The following TEC variants were observed in gnomAD, a reference collection of about 807,000 sequenced individuals.
The protein encoded by TEC is tyrosine-protein kinase Tec.
TEC carries 72 observed loss-of-function variants against 93.0 expected under a neutral mutation model. That is an observed-to-expected ratio of 0.77 (90% CI 0.64 to 0.94). The LOEUF (loss-of-function observed/expected upper bound fraction) is 0.94. Ranked by LOEUF, TEC falls within the 40% of genes least tolerant of loss-of-function variation. The pLI is 0.00. For missense variants in TEC, 630 were observed against 757.9 expected (o/e 0.83, Z 1.98); for synonymous variants, 249 against 247.7 (o/e 1.01, Z -0.05).
chr4:48,175,464 G>A (rs578068222), intron 3 of TEC, among the ~76,000 whole-genome samples: 34 of 152,298 alleles, frequency 2.2e-4, no homozygotes, highest in South Asian at 1.2e-3. Context: ...GAGGGGCTGA[G>A]AGCTCCAGAT....
rs1237293687 is a variant in TEC at position 48,141,361 on chromosome 4, A to T, written c.1529T>A (p.Met510Lys). Residue 510 changes from methionine (M) to lysine (K), a missense_variant, in exon 15 of 18, where the codon ATG (methionine) becomes AAG (lysine). Physicochemically the swap from Met to Lys is moderately conservative, Grantham distance 95. Coordinates refer to ENST00000381501, the MANE Select transcript of TEC (RefSeq NM_003215.3). ...CACGTATACTTGGACATACCTGGCC[A>T]TTCCAAAATCAGATACTTTTACAAC... ...AGVVKVSDFG[M>K]ARYVLDDQYT... 1 of 1,613,788 alleles carries T rather than the reference A, an allele frequency of 6.2e-7. No homozygotes were observed. The highest frequency in any genetic ancestry group is 1.1e-5 in the South Asian group (1 of 91,074).
intron 11 of TEC, among the ~76,000 whole-genome samples, chr4:48,147,665 G>A (rs1383207617): frequency 6.6e-6 from 1 of 152,076 alleles, no homozygotes; most frequent in Non-Finnish European, 1.5e-5. Flanking sequence ...GAGATAGAGG[G>A]GTTGATCCTG....
chr4:48,149,724 T>C (rs758961786), intron 10 of TEC, 34 bp from the exon 11 acceptor site: 12 of 1,573,656 alleles, frequency 7.6e-6, no homozygotes, highest in Non-Finnish European at 1.0e-5. Flanking sequence ...CAGAACCAAG[T>C]TGAAATAATA....
At chr4:48,230,754 A>G (rs1723623078) in intron 1 of TEC, among the ~76,000 whole-genome samples, 1 of 152,092 alleles carries the variant, frequency 6.6e-6, no homozygotes, top group African/African-American at 2.4e-5. Context: ...CCACACTCCA[A>G]TCAAAATAGT....
intron 11 of TEC, among the ~76,000 whole-genome samples, chr4:48,147,277 C>T (rs181811204): frequency 2.0e-5 from 3 of 152,210 alleles, no homozygotes; most frequent in African/African-American, 7.2e-5. Context: ...GGTAAATACC[C>T]AAAAGAAATG....
chr4:48,200,177 G>A (rs988325154), intron 2 of TEC, among the ~76,000 whole-genome samples: 2 of 152,012 alleles, frequency 1.3e-5, no homozygotes, highest in Non-Finnish European at 2.9e-5. Context: ...CCATTCAAGG[G>A]AGGGGATACA....
At chr4:48,143,742 G>A (rs1466797938) in intron 14 of TEC, among the ~76,000 whole-genome samples, 1 of 152,074 alleles carries the variant, frequency 6.6e-6, no homozygotes, top group South Asian at 2.1e-4. Context: ...CAAACTTCCT[G>A]GGTTCAAATC....
chr4:48,153,155 G>A (rs368237217), intron 9 of TEC, among the ~76,000 whole-genome samples: 4 of 151,084 alleles, frequency 2.6e-5, no homozygotes, highest in African/African-American at 2.4e-5. Flanking sequence ...ATCTATTAAC[G>A]CTTTATTTAT....
intron 10 of TEC, among the ~76,000 whole-genome samples, chr4:48,150,447 A>G (rs1577701156): frequency 6.6e-6 from 1 of 152,036 alleles, no homozygotes; most frequent in African/African-American, 2.4e-5. Context: ...CTGTGTATGT[A>G]CCATCCCCCA....
chr4:48,159,083 G>GAA (rs35956463), intron 8 of TEC, among the ~76,000 whole-genome samples: 2 of 114,502 alleles, frequency 1.7e-5, no homozygotes. Flanking sequence ...CTCCAGGCAA[G>GAA]AAAAAAAAAA....
chr4:48,220,732 C>T (rs184672933), intron 2 of TEC, among the ~76,000 whole-genome samples: 2 of 152,164 alleles, frequency 1.3e-5, no homozygotes, highest in East Asian at 3.9e-4. Context: ...AGAAAAATAC[C>T]TCTCCTATAC....
intron 2 of TEC, among the ~76,000 whole-genome samples, chr4:48,192,584 A>C (rs1436312319): frequency 6.6e-6 from 1 of 152,246 alleles, no homozygotes; most frequent in East Asian, 1.9e-4. Flanking sequence ...GGAAACTATA[A>C]AATTCTTTGG....
chr4:48,188,057 CATA>C (rs1034813741), intron 2 of TEC, among the ~76,000 whole-genome samples: 2 of 152,118 alleles, frequency 1.3e-5, no homozygotes, highest in African/African-American at 4.8e-5. Flanking sequence ...AAAGAAGTGA[CATA>C]ACATTACTTC....
chr4:48,269,491 G>C, intron 1 of TEC, among the ~76,000 whole-genome samples: 1 of 152,274 alleles, frequency 6.6e-6, no homozygotes, highest in African/African-American at 2.4e-5. Flanking sequence ...CAGTGCGGGA[G>C]TTGGAGAAGT....
At chr4:48,259,944 C>A (rs1724453163) in intron 1 of TEC, among the ~76,000 whole-genome samples, 1 of 152,146 alleles carries the variant, frequency 6.6e-6, no homozygotes, top group African/African-American at 2.4e-5. Context: ...CACAAAGTTT[C>A]ATAAACTCTA....
chr4:48,249,666 C>G (rs1236034866), intron 1 of TEC, among the ~76,000 whole-genome samples: 1 of 152,186 alleles, frequency 6.6e-6, no homozygotes, highest in African/African-American at 2.4e-5. Flanking sequence ...CTGATTTAAG[C>G]CCTGCTTCTT....
intron 4 of TEC, 37 bp from the exon 5 acceptor site, chr4:48,170,413 C>T (rs1407122006): frequency 8.0e-7 from 1 of 1,253,610 alleles, no homozygotes; most frequent in South Asian, 1.4e-5. Context: ...TAGTGAAATA[C>T]AAAAGCAACT....
chr4:48,235,368 G>A (rs1388839910), intron 1 of TEC, among the ~76,000 whole-genome samples: 4 of 152,128 alleles, frequency 2.6e-5, no homozygotes, highest in Admixed American at 2.6e-4. Flanking sequence ...AAGATACAAT[G>A]AGATGAAAAA....
intron 1 of TEC, among the ~76,000 whole-genome samples, chr4:48,236,561 C>A (rs554274253): frequency 6.6e-6 from 1 of 152,284 alleles, no homozygotes; most frequent in South Asian, 2.1e-4. Flanking sequence ...GGATTACAGG[C>A]GTGAGCCACC....
Sources: allele counts gnomAD v4.1 joint callset (sites outside exome capture counted in the v4.1 genomes callset), GRCh38; gene constraint gnomAD v4.1.1; transcripts MANE v1.5; gene names NCBI Gene and HGNC (gene_info 2026-07-23, HGNC 2026-07-21).